The following TMEM62 variants were observed in gnomAD, a reference collection of about 807,000 sequenced individuals.
The protein encoded by TMEM62 is transmembrane protein 62.
A neutral mutation model predicts 70.4 loss-of-function variants in TMEM62; 41 were observed. That is an observed-to-expected ratio of 0.58 (90% CI 0.45 to 0.76). The LOEUF is 0.76. Ranked by LOEUF, TMEM62 falls within the 30% of genes least tolerant of loss-of-function variation. The probability of loss-of-function intolerance (pLI) is 0.00; values close to 1 mark genes in which losing one functional copy is unlikely to be tolerated. For synonymous variants in TMEM62, 268 were observed against 291.0 expected, an observed-to-expected ratio of 0.92 and a Z score of 0.80; for missense variants, 688 against 788.5, an observed-to-expected ratio of 0.87 and a Z score of 1.53.
intron 10 of TMEM62, among the ~76,000 whole-genome samples, chr15:43,168,407 G>A (rs2039824562): frequency 6.6e-6 from 1 of 152,014 alleles, no homozygotes; most frequent in South Asian, 2.1e-4. Flanking sequence ...TTTATTCAAG[G>A]CCCAGGGGCT....
intron 11 of TMEM62, among the ~76,000 whole-genome samples, chr15:43,177,378 T>C (rs927085453): frequency 2.0e-5 from 3 of 151,836 alleles, no homozygotes; most frequent in Non-Finnish European, 4.4e-5. Context: ...TGTGGAGAAA[T>C]AGGAACACTT....
chr15:43,164,386 T>C (rs1262658943), intron 10 of TMEM62, among the ~76,000 whole-genome samples: 1 of 152,182 alleles, frequency 6.6e-6, no homozygotes, highest in Non-Finnish European at 1.5e-5. Context: ...GAGTATTCTA[T>C]ATTAGGCTGT....
At chr15:43,159,956 A>C (rs553037254) in intron 9 of TMEM62, among the ~76,000 whole-genome samples, 1 of 152,148 alleles carries the variant, frequency 6.6e-6, no homozygotes, top group South Asian at 2.1e-4. Context: ...TAAATGTAGA[A>C]TTATAGGTTT....
intron 3 of TMEM62, among the ~76,000 whole-genome samples, 176 bp from the exon 4 acceptor site, chr15:43,138,398 C>A (rs1834869968): frequency 6.6e-6 from 1 of 152,108 alleles, no homozygotes; most frequent in African/African-American, 2.4e-5. Flanking sequence ...CCAGGATGTG[C>A]CCCTCTCCTA....
At chr15:43,178,352 T>A (rs2040988551) in intron 11 of TMEM62, among the ~76,000 whole-genome samples, 1 of 152,154 alleles carries the variant, frequency 6.6e-6, no homozygotes, top group African/African-American at 2.4e-5. Flanking sequence ...CAATTATGTA[T>A]CTTATGATAT....
chr15:43,181,202 T>G lies in TMEM62; in HGVS notation c.1508T>G (p.Ile503Ser), dbSNP rs2041298067. ...TVLGPWFFGE[I>S]IDGKFGCCFS... ...TTAGGTCCATGGTTTTTTGGTGAAA[T>G]CATTGATGGCAAATTTGGTTGCTGC... The change falls in exon 13 of 14, where the codon ATC becomes AGC. Residue 503 changes from isoleucine (I) to serine (S), a missense_variant. Physicochemically the swap from Ile to Ser is moderately radical, Grantham distance 142. Coordinates refer to ENST00000260403, the MANE Select transcript of TMEM62 (RefSeq NM_024956.4). The G allele has an allele frequency of 2.2e-5, 35 of 1,613,806 alleles. No individual in the cohort carries two copies. Among genetic ancestry groups the G allele is most frequent in the Non-Finnish European group, 2.9e-5 (34 of 1,179,784 alleles).
At chr15:43,136,607 G>A (rs1596182956) in intron 3 of TMEM62, among the ~76,000 whole-genome samples, 2 of 149,850 alleles carry the variant, frequency 1.3e-5, no homozygotes, top group Admixed American at 6.6e-5. Flanking sequence ...ACCCTGCCCA[G>A]TTAATTTTTT....
At chr15:43,137,638 C>T (rs2035410525) in intron 3 of TMEM62, among the ~76,000 whole-genome samples, 1 of 152,264 alleles carries the variant, frequency 6.6e-6, no homozygotes. Flanking sequence ...AACCCTCCCA[C>T]AGATGTGCAC....
At chr15:43,139,029 A>AT (rs2035635081) in intron 4 of TMEM62, among the ~76,000 whole-genome samples, 1 of 151,938 alleles carries the variant, frequency 6.6e-6, no homozygotes, top group South Asian at 2.1e-4. Flanking sequence ...CAGATGTTGC[A>AT]TTTTTTCAAA....
chr15:43,169,091 A>G (rs2039917888), intron 10 of TMEM62: 3 of 153,336 alleles, frequency 2.0e-5, no homozygotes, highest in Non-Finnish European at 1.5e-5. Context: ...TGGTGTAGGC[A>G]ATGAAGTACT....
intron 4 of TMEM62, among the ~76,000 whole-genome samples, chr15:43,145,788 G>T (rs577336566): frequency 4.6e-5 from 7 of 152,162 alleles, no homozygotes; most frequent in African/African-American, 1.7e-4. Flanking sequence ...AATAATATAG[G>T]TATGCCCTCC....
chr15:43,166,125 A>G (rs1441250460), intron 10 of TMEM62, among the ~76,000 whole-genome samples: 5 of 152,250 alleles, frequency 3.3e-5, no homozygotes, highest in African/African-American at 1.2e-4. Context: ...CTGCAGCCAT[A>G]TCTGTACAAG....
intron 13 of TMEM62, among the ~76,000 whole-genome samples, chr15:43,181,558 G>A (rs534864022): frequency 6.6e-6 from 1 of 152,322 alleles, no homozygotes; most frequent in East Asian, 1.9e-4. Flanking sequence ...CTGAAGCACA[G>A]TGGTGCAATC....
At chr15:43,146,876 T>C (rs188897332) in intron 5 of TMEM62, among the ~76,000 whole-genome samples, 1 of 152,352 alleles carries the variant, frequency 6.6e-6, no homozygotes, top group Non-Finnish European at 1.5e-5. Context: ...ATTTATTAAA[T>C]AGGTACTGAG....
At chr15:43,158,124 C>T (rs1274954930) in intron 9 of TMEM62, among the ~76,000 whole-genome samples, 2 of 152,060 alleles carry the variant, frequency 1.3e-5, no homozygotes, top group African/African-American at 4.8e-5. Context: ...TGTCCCTGTC[C>T]CCTTTAGGTT....
intron 13 of TMEM62, among the ~76,000 whole-genome samples, chr15:43,182,523 G>A (rs184728399): frequency 2.7e-5 from 4 of 149,340 alleles, no homozygotes; most frequent in Admixed American, 2.0e-4. Flanking sequence ...GCATCGTCTC[G>A]GCTCACTGCA....
At chr15:43,134,468 T>A in intron 2 of TMEM62, 100 bp downstream of exon 2, 1 of 884,384 alleles carries the variant, frequency 1.1e-6, no homozygotes, top group Non-Finnish European at 1.8e-6. Context: ...GGGAGCAGTA[T>A]AGCCACAGCC....
At chr15:43,167,969 C>T (rs913574426) in intron 10 of TMEM62, among the ~76,000 whole-genome samples, 9 of 152,190 alleles carry the variant, frequency 5.9e-5, no homozygotes, top group Non-Finnish European at 1.0e-4. Flanking sequence ...CAAAAAAATA[C>T]GAAAACCAGT....
chr15:43,140,487 T>G (rs2035851298), intron 4 of TMEM62, among the ~76,000 whole-genome samples: 2 of 151,662 alleles, frequency 1.3e-5, no homozygotes, highest in Non-Finnish European at 2.9e-5. Context: ...GTAATCATCC[T>G]GATCTGAAAG....
Sources: allele counts gnomAD v4.1 joint callset (sites outside exome capture counted in the v4.1 genomes callset), GRCh38; gene constraint gnomAD v4.1.1; transcripts MANE v1.5; gene names NCBI Gene and HGNC (gene_info 2026-07-23, HGNC 2026-07-21).